CDH23: variants seen among roughly 807,000 people sequenced by gnomAD.
CDH23 encodes cadherin related 23.
Under a neutral mutation model 317.1 loss-of-function variants are expected in CDH23, and 189 were observed. That is an observed-to-expected ratio of 0.60 (90% CI 0.53 to 0.67). The LOEUF (loss-of-function observed/expected upper bound fraction) is 0.67. Ranked by LOEUF, CDH23 falls within the 30% of genes least tolerant of loss-of-function variation. The probability of loss-of-function intolerance (pLI) is 0.00; values close to 1 mark genes in which losing one functional copy is unlikely to be tolerated. For synonymous variants in CDH23, 1,839 were observed against 1,876.8 expected (o/e 0.98, Z 0.52); for missense variants, 4,401 against 4,592.4 (o/e 0.96, Z 1.20).
intron 6 of CDH23, among the ~76,000 whole-genome samples, chr10:71,518,968 CA>C (rs568311591): frequency 3.3e-5 from 5 of 152,340 alleles, no homozygotes; most frequent in African/African-American, 1.2e-4. Context: ...CGTCCTCCAC[CA>C]CCCACAGCAC....
At chr10:71,556,446 C>G (rs1197030618) in intron 6 of CDH23, among the ~76,000 whole-genome samples, 4 of 151,954 alleles carry the variant, frequency 2.6e-5, no homozygotes, top group Non-Finnish European at 4.4e-5. Context: ...ACTAAAAATA[C>G]AAAAATTATC....
chr10:71,793,878 G>A (rs1273222719), intron 48 of CDH23, among the ~76,000 whole-genome samples: 3 of 151,850 alleles, frequency 2.0e-5, no homozygotes, highest in Non-Finnish European at 1.5e-5. Flanking sequence ...TGATTCCCTC[G>A]CCCTACCAGT....
intron 14 of CDH23, among the ~76,000 whole-genome samples, chr10:71,649,538 C>G (rs1863065455): frequency 6.6e-6 from 1 of 152,078 alleles, no homozygotes; most frequent in Non-Finnish European, 1.5e-5. Flanking sequence ...GGTGTCCTAG[C>G]AGGGGTGGAA....
intron 6 of CDH23, among the ~76,000 whole-genome samples, chr10:71,518,996 G>A (rs574323119): frequency 2.6e-5 from 4 of 152,364 alleles, no homozygotes; most frequent in South Asian, 2.1e-4. Flanking sequence ...AGAGGACAGC[G>A]TGGGAGCAGG....
chr10:71,549,744 C>T, intron 6 of CDH23, among the ~76,000 whole-genome samples: 1 of 152,314 alleles, frequency 6.6e-6, no homozygotes, highest in East Asian at 1.9e-4. Flanking sequence ...ACACTTTTCT[C>T]CAAGGTAGTT....
intron 9 of CDH23, among the ~76,000 whole-genome samples, chr10:71,585,852 C>G (rs900488912): frequency 6.6e-6 from 1 of 152,228 alleles, no homozygotes; most frequent in African/African-American, 2.4e-5. Flanking sequence ...CCTGTATGCT[C>G]TTTGTCAGCA....
rs397517317 is a variant in CDH23 at position 71,510,205 on chromosome 10, G to C, written c.269G>C (p.Arg90Pro). Residue 90 changes from arginine (R) to proline (P), a missense_variant, in exon 4 of 70, where the codon CGG (arginine) becomes CCG (proline). Physicochemically the swap from Arg to Pro is moderately radical, Grantham distance 103. Transcript: ENST00000224721. ...CCTGACACTGGCGTGGTGTGGCTCC[G>C]GCAGCCACTGGACAGAGAGGTATGA... ...VEPDTGVVWL[R>P]QPLDRETKSE... 6.2e-7 allele frequency: 1 copy of C among 1,613,694 alleles called. No individual in the cohort carries two copies. Among genetic ancestry groups the C allele is most frequent in the Non-Finnish European group, 8.5e-7 (1 of 1,179,840 alleles).
chr10:71,448,393 G>A (rs1182378675), intron 3 of CDH23, among the ~76,000 whole-genome samples: 2 of 152,266 alleles, frequency 1.3e-5, no homozygotes, highest in Non-Finnish European at 2.9e-5. Flanking sequence ...GCACTTGGCA[G>A]TCACAGCAGG....
At chr10:71,403,451 T>TC (rs1250081532) in intron 1 of CDH23, among the ~76,000 whole-genome samples, 2 of 47,876 alleles carry the variant, frequency 4.2e-5, no homozygotes, top group Non-Finnish European at 7.0e-5. Flanking sequence ...CTTCCTTCCT[T>TC]CCTTTCCTTC....
intron 14 of CDH23, among the ~76,000 whole-genome samples, chr10:71,667,864 G>A (rs939629294): frequency 1.1e-4 from 16 of 152,142 alleles, no homozygotes; most frequent in African/African-American, 3.6e-4. Context: ...GCTGGACATA[G>A]AGTTTTGAAT....
chr10:71,708,540 G>A (rs920856615), intron 26 of CDH23, among the ~76,000 whole-genome samples: 1 of 152,164 alleles, frequency 6.6e-6, no homozygotes, highest in African/African-American at 2.4e-5. Context: ...AGTAATCCCT[G>A]TCTCCTGTAC....
At chr10:71,508,624 A>G (rs1159061761) in intron 3 of CDH23, among the ~76,000 whole-genome samples, 7 of 152,150 alleles carry the variant, frequency 4.6e-5, no homozygotes, top group Non-Finnish European at 8.8e-5. Context: ...CTTTCTTTCT[A>G]TCTAGCTTGA....
chr10:71,660,275 G>A (rs1863593998), intron 14 of CDH23, among the ~76,000 whole-genome samples: 1 of 152,072 alleles, frequency 6.6e-6, no homozygotes, highest in Non-Finnish European at 1.5e-5. Context: ...CTATGATTTT[G>A]AATAGGTTAC....
Position 71,646,669 on chromosome 10 carries a change from G to A in CDH23, c.1449+52G>A, listed in dbSNP as rs767806158. ...ACTGAGCTCTCCAGGGCCGACTGTG[G>A]TGAGGCACCCAGAGGGATTTTGTCC... is the stretch of plus-strand genomic sequence containing the variant. On this transcript the variant is annotated intron_variant, in intron 14 of 69. Coordinates refer to ENST00000224721, the MANE Select transcript of CDH23 (RefSeq NM_022124.6). 5 of 1,613,878 alleles carry A rather than the reference G, an allele frequency of 3.1e-6. No individual in the cohort carries two copies. In the South Asian group the frequency reaches 4.4e-5, roughly 14 times the overall value.
intron 31 of CDH23, 23 bp downstream of exon 31, chr10:71,730,627 G>A (rs370970091): frequency 3.8e-5 from 61 of 1,612,804 alleles, no homozygotes; most frequent in African/African-American, 3.3e-4. Context: ...GGAGGAAGCC[G>A]GGGATCCCAT....
chr10:71,667,324 T>G (rs1437733247), intron 14 of CDH23, among the ~76,000 whole-genome samples: 2 of 141,592 alleles, frequency 1.4e-5, no homozygotes, highest in Admixed American at 6.9e-5. Flanking sequence ...TGGAGACAAG[T>G]AGGGGTGCTG....
rs775540526 is a variant in CDH23, at chr10:71,732,091, G to C, written c.3820G>C (p.Glu1274Gln). The C allele has an allele frequency of 6.2e-7, 1 of 1,614,016 alleles. No individual in the cohort carries two copies. The highest frequency in any genetic ancestry group is 8.5e-7 in the Non-Finnish European group (1 of 1,179,890). The change falls in exon 32 of 70, where the codon GAG (glutamate) becomes CAG (glutamine). Residue 1274 changes from glutamate to glutamine, a missense_variant. By Grantham distance (29) the Glu-to-Gln change is conservative. Coordinates refer to ENST00000224721, the MANE Select transcript of CDH23 (RefSeq NM_022124.6). ...CATCACCGTGAATTACCTGGACTAC[G>C]AGACCAAGACCAGCTACATGATGAA... ...LIITVNYLDY[E>Q]TKTSYMMNVS... is the part of the protein sequence containing the mutation.
At chr10:71,398,157 G>C (rs61853163) in intron 1 of CDH23, among the ~76,000 whole-genome samples, 1 of 152,222 alleles carries the variant, frequency 6.6e-6, no homozygotes, top group African/African-American at 2.4e-5. Flanking sequence ...CTGCCTCCGT[G>C]CTGTGAGCGG....
intron 14 of CDH23, among the ~76,000 whole-genome samples, chr10:71,662,001 C>T (rs2132634943): frequency 6.6e-6 from 1 of 150,626 alleles, no homozygotes; most frequent in African/African-American, 2.4e-5. Context: ...CAGCCCTGGG[C>T]TGCGTGGGCC....
Sources: allele counts gnomAD v4.1 joint callset (sites outside exome capture counted in the v4.1 genomes callset), GRCh38; gene constraint gnomAD v4.1.1; transcripts MANE v1.5; gene names NCBI Gene and HGNC (gene_info 2026-07-23, HGNC 2026-07-21).